ERG: variants seen among roughly 807,000 people sequenced by gnomAD.
ERG encodes transcriptional regulator ERG.
A neutral mutation model predicts 55.3 loss-of-function variants in ERG; 9 were observed. The ratio of observed to expected loss-of-function variants is 0.16; its 90% CI spans 0.10 to 0.28. The LOEUF is 0.28. Among genes scored for constraint, ERG ranks in the 10% least tolerant of loss-of-function variants. The pLI, the probability that ERG is intolerant of heterozygous loss-of-function variation, is 1.00. For missense variants in ERG, 434 were observed against 631.6 expected, an observed-to-expected ratio of 0.69 and a Z score of 3.35; for synonymous variants, 223 against 237.3, an observed-to-expected ratio of 0.94 and a Z score of 0.55.
At chr21:38,514,318 G>T (rs1324925561) in intron 2 of ERG, among the ~76,000 whole-genome samples, 1 of 150,876 alleles carries the variant, frequency 6.6e-6, no homozygotes, top group Non-Finnish European at 1.5e-5. Context: ...ATTTAAAAAG[G>T]AAAATTATGG....
At chr21:38,616,866 AT>A (rs1453340922) in intron 1 of ERG, among the ~76,000 whole-genome samples, 2 of 152,162 alleles carry the variant, frequency 1.3e-5, no homozygotes, top group African/African-American at 4.8e-5. Context: ...GATTGCTGAA[AT>A]TTTCTTGGAG....
At chr21:38,596,566 C>T (rs1189735667) in intron 1 of ERG, among the ~76,000 whole-genome samples, 2 of 152,206 alleles carry the variant, frequency 1.3e-5, no homozygotes, top group Non-Finnish European at 2.9e-5. Flanking sequence ...CCGTGTGACA[C>T]TTGATTACTT....
chr21:38,401,884 T>G (rs893479063), intron 5 of ERG, among the ~76,000 whole-genome samples: 1 of 152,140 alleles, frequency 6.6e-6, no homozygotes, highest in African/African-American at 2.4e-5. Flanking sequence ...AAACCCTACT[T>G]AGGCTCAGGC....
chr21:38,547,377 C>A (rs1331991774), intron 2 of ERG, among the ~76,000 whole-genome samples: 1 of 152,118 alleles, frequency 6.6e-6, no homozygotes, highest in East Asian at 1.9e-4. Flanking sequence ...GCGTGTTTGA[C>A]CATATGGATA....
intron 1 of ERG, among the ~76,000 whole-genome samples, chr21:38,463,833 C>A (rs2059064867): frequency 6.6e-6 from 1 of 152,176 alleles, no homozygotes; most frequent in Non-Finnish European, 1.5e-5. Context: ...CTGGGATGCC[C>A]CGTCCAGAGT....
chr21:38,643,027 C>T (rs1218789273), intron 1 of ERG, among the ~76,000 whole-genome samples: 1 of 152,190 alleles, frequency 6.6e-6, no homozygotes, highest in African/African-American at 2.4e-5. Context: ...CGCCCCCTTC[C>T]CTTACTCATT....
intron 6 of ERG, among the ~76,000 whole-genome samples, chr21:38,395,982 C>T (rs950028340): frequency 3.3e-5 from 5 of 152,170 alleles, no homozygotes; most frequent in African/African-American, 4.8e-5. Context: ...GAATGTGGAT[C>T]GTGGAAGAGC....
chr21:38,445,492 G>A lies in ERG; in HGVS notation c.148C>T (p.Arg50Cys), dbSNP rs148089492. The change falls in exon 2 of 10, where the codon CGC (arginine) becomes TGC (cysteine). Residue 50 changes from arginine (R) to cysteine (C), a missense_variant. By Grantham distance (180) the Arg-to-Cys change is radical. This residue lies in a region of ERG where 212 missense variants were observed against 262.9 expected (regional missense o/e 0.81). Transcript: ENST00000288319. ...DYGQTSKMSP[R>C]VPQQDWLSQP... The stretch of plus-strand genomic sequence containing the variant: ...GACAGCCAATCCTGCTGAGGGACGC[G>A]TGGGCTCATCTTGGAAGTCTGTCCA... The A allele has an allele frequency of 7.4e-6, 12 of 1,614,012 alleles. No homozygotes were observed. The highest frequency in any genetic ancestry group is 2.2e-5 in the South Asian group (2 of 91,084).
downstream of ERG, among the ~76,000 whole-genome samples, chr21:38,379,872 AT>A (rs997118593): frequency 1.3e-5 from 2 of 151,804 alleles, no homozygotes; most frequent in African/African-American, 4.8e-5. Context: ...GTATTTATTT[AT>A]TTTTTTGTAG....
chr21:38,520,771 G>A (rs137864986), intron 2 of ERG, among the ~76,000 whole-genome samples: 370 of 152,286 alleles, frequency 2.4e-3, no homozygotes, highest in African/African-American at 8.8e-3. Flanking sequence ...ATGATCTGTG[G>A]TTTGTGGTTG....
intron 1 of ERG, among the ~76,000 whole-genome samples, chr21:38,617,916 C>T (rs190237209): frequency 2.0e-4 from 31 of 152,190 alleles, no homozygotes; most frequent in Non-Finnish European, 3.1e-4. Flanking sequence ...ACAGTGGCAC[C>T]GACCCAGACA....
chr21:38,451,537 G>T (rs1467579172), intron 1 of ERG, among the ~76,000 whole-genome samples: 2 of 152,206 alleles, frequency 1.3e-5, no homozygotes. Context: ...GCGGCCTTTA[G>T]TGGATGTCTG....
chr21:38,368,848 A>T, the ERG span, among the ~76,000 whole-genome samples: 2 of 152,078 alleles, frequency 1.3e-5, no homozygotes, highest in Admixed American at 6.6e-5. Flanking sequence ...GCTCCCACTT[A>T]TAAGTGAGAA....
At chr21:38,390,616 G>A (rs1033848094) in intron 9 of ERG, among the ~76,000 whole-genome samples, 7 of 152,158 alleles carry the variant, frequency 4.6e-5, no homozygotes, top group African/African-American at 1.7e-4. Context: ...AAGCCAGGGA[G>A]AGCCCCCAGG....
At chr21:38,427,435 A>G (rs1989887108) in intron 2 of ERG, among the ~76,000 whole-genome samples, 1 of 152,112 alleles carries the variant, frequency 6.6e-6, no homozygotes, top group Non-Finnish European at 1.5e-5. Flanking sequence ...CTGTTTTGGG[A>G]GCTTAATAGT....
At chr21:38,616,937 A>G (rs1210242838) in intron 1 of ERG, among the ~76,000 whole-genome samples, 1 of 152,202 alleles carries the variant, frequency 6.6e-6, no homozygotes, top group African/African-American at 2.4e-5. Context: ...GAGATTCCCA[A>G]AGTAAATAAT....
chr21:38,390,065 T>A (rs1052848104), intron 9 of ERG, among the ~76,000 whole-genome samples: 1 of 152,232 alleles, frequency 6.6e-6, no homozygotes, highest in African/African-American at 2.4e-5. Flanking sequence ...CTGTAACATC[T>A]TGGCATTTGA....
chr21:38,375,034 A>G (rs1987205950), downstream of ERG, among the ~76,000 whole-genome samples: 1 of 152,068 alleles, frequency 6.6e-6, no homozygotes, highest in African/African-American at 2.4e-5. Context: ...CCACTATATG[A>G]GTATGAGTAT....
chr21:38,559,273 C>T (rs898024101), intron 2 of ERG, among the ~76,000 whole-genome samples: 10 of 151,916 alleles, frequency 6.6e-5, no homozygotes, highest in African/African-American at 2.4e-4. Context: ...AATTGCAGAG[C>T]CTGGAACACA....
Sources: allele counts gnomAD v4.1 joint callset (sites outside exome capture counted in the v4.1 genomes callset), GRCh38; gene constraint gnomAD v4.1.1; regional missense constraint gnomAD v4.1.1; transcripts MANE v1.5; gene names NCBI Gene and HGNC (gene_info 2026-07-23, HGNC 2026-07-21).